Variants in LRBA observed in about 807,000 individuals in gnomAD.
The protein encoded by LRBA is lipopolysaccharide-responsive and beige-like anchor protein.
Under a neutral mutation model 330.0 loss-of-function variants are expected in LRBA, and 176 were observed. That is an observed-to-expected ratio of 0.53 (90% CI 0.47 to 0.60). The LOEUF (loss-of-function observed/expected upper bound fraction) is 0.60, where lower values mean the gene tolerates loss of function less well. LRBA is among the 20% of genes least tolerant of loss of function. The pLI, the probability that LRBA is intolerant of heterozygous loss-of-function variation, is 0.00. For synonymous variants in LRBA, 1,230 were observed against 1,193.0 expected (o/e 1.03, Z -0.64); for missense variants, 3,259 against 3,444.8 (o/e 0.95, Z 1.35).
Position 150,805,513 on chromosome 4 carries a change from G to A in LRBA, c.5518+758C>T, listed in dbSNP as rs1338737524. The stretch of plus-strand genomic sequence containing the variant: ...GAAAGGAGAAGGAGGAGAAAGAGAA[G>A]GAAAGGAAAAGGAAAGGAAAGGAAG... On this transcript the variant is annotated intron_variant, in intron 33 of 56. Transcript: ENST00000651943. Among the ~76,000 whole-genome samples, 4 of 112,508 alleles carry A rather than the reference G, an allele frequency of 3.6e-5. 2 individuals carry two copies. The highest frequency in any genetic ancestry group is 7.1e-5 in the Non-Finnish European group (4 of 55,948). The allele number at this position is 112,508 out of a possible 152,430, so 73.8% of individuals were successfully genotyped here.
At chr4:150,402,813 A>C (rs1349456655) in intron 47 of LRBA, among the ~76,000 whole-genome samples, 3 of 152,026 alleles carry the variant, frequency 2.0e-5, no homozygotes, top group Admixed American at 6.6e-5. Flanking sequence ...ATAAATTCTA[A>C]AATATAGCAT....
intron 48 of LRBA, among the ~76,000 whole-genome samples, chr4:150,336,941 C>T (rs1478554859): frequency 6.6e-6 from 1 of 152,180 alleles, no homozygotes; most frequent in East Asian, 1.9e-4. Context: ...CATTGATGTG[C>T]TCATTCAAAA....
intron 37 of LRBA, among the ~76,000 whole-genome samples, chr4:150,619,444 G>C (rs1240092045): frequency 6.6e-6 from 1 of 152,128 alleles, no homozygotes; most frequent in Non-Finnish European, 1.5e-5. Context: ...CATTTAGTTA[G>C]TCTTCAGAAT....
intron 53 of LRBA, among the ~76,000 whole-genome samples, chr4:150,298,348 A>G (rs888750321): frequency 2.6e-5 from 4 of 152,148 alleles, no homozygotes; most frequent in Non-Finnish European, 4.4e-5. Context: ...TTATAGTCAC[A>G]TGGCAAGATC....
chr4:150,657,430 A>G (rs1780311117), intron 37 of LRBA, among the ~76,000 whole-genome samples: 1 of 152,218 alleles, frequency 6.6e-6, no homozygotes, highest in South Asian at 2.1e-4. Flanking sequence ...GTTCACAGGT[A>G]AAGAACAATA....
At chr4:150,728,678 AAC>A (rs1249535846) in intron 36 of LRBA, among the ~76,000 whole-genome samples, 3 of 152,118 alleles carry the variant, frequency 2.0e-5, no homozygotes, top group Admixed American at 6.5e-5. Context: ...AAAAAAAAAA[AAC>A]GTGATACAAA....
intron 37 of LRBA, among the ~76,000 whole-genome samples, chr4:150,655,788 A>G (rs575925966): frequency 6.6e-6 from 1 of 152,348 alleles, no homozygotes; most frequent in African/African-American, 2.4e-5. Context: ...TTGTCTAATG[A>G]TAAAGTTTTC....
intron 37 of LRBA, among the ~76,000 whole-genome samples, chr4:150,630,700 A>G (rs1011007397): frequency 3.9e-5 from 6 of 152,188 alleles, no homozygotes; most frequent in African/African-American, 1.4e-4. Context: ...AAAGCCAATT[A>G]TTCCAAATTT....
chr4:150,547,460 C>T (rs966340700), intron 40 of LRBA, among the ~76,000 whole-genome samples: 3 of 152,090 alleles, frequency 2.0e-5, no homozygotes, highest in Admixed American at 6.6e-5. Context: ...GTATTGTTCC[C>T]GTTATTCTTA....
intron 37 of LRBA, among the ~76,000 whole-genome samples, chr4:150,649,421 T>C (rs1414170777): frequency 1.3e-5 from 2 of 152,328 alleles, no homozygotes; most frequent in East Asian, 3.9e-4. Context: ...TGCTCTTCTA[T>C]CTGCTTTCTA....
At position 150,282,618 on chromosome 4, in the gene LRBA, A is replaced by G; in HGVS notation, c.8148T>C (p.Asn2716=). 1 of 1,612,368 alleles carries G rather than the reference A, an allele frequency of 6.2e-7. No homozygotes were observed. The highest frequency in any genetic ancestry group is 8.5e-7 in the Non-Finnish European group (1 of 1,179,014). ...CCTCCAAGGTCCTCAACAAGTCTCC[A>G]TTCATGGAATGTATGAGACATGGTC... is the stretch of plus-strand genomic sequence containing the variant. ...QEGPCLIHSM[N]GDLLRTLEGP... Residue 2716 remains asparagine, a synonymous_variant, in exon 55 of 57, where the codon AAT becomes AAC. Coordinates refer to ENST00000651943, the MANE Select transcript of LRBA (RefSeq NM_001364905.1).
At chr4:150,379,950 G>A (rs570939592) in intron 47 of LRBA, among the ~76,000 whole-genome samples, 108 of 149,380 alleles carry the variant, frequency 7.2e-4, no homozygotes, top group African/African-American at 2.6e-3. Context: ...ATCACCTGAG[G>A]TCAGGAGTTC....
intron 34 of LRBA, among the ~76,000 whole-genome samples, chr4:150,763,880 C>T (rs1735416507): frequency 6.6e-6 from 1 of 151,906 alleles, no homozygotes; most frequent in African/African-American, 2.4e-5. Context: ...AGAACATAAC[C>T]ATGACCTCTG....
At position 150,285,982 on chromosome 4, in the gene LRBA, T is replaced by G. The variant is rs1422299181; in HGVS notation, c.8070A>C (p.Thr2690=). 7 of 1,598,522 alleles carry G rather than the reference T, an allele frequency of 4.4e-6. No individual in the cohort carries two copies. The highest frequency in any genetic ancestry group is 2.7e-5 in the African/African-American group (2 of 74,640). The part of the protein sequence containing the change: ...AILTGHDYEV[T]CAAVCAELGL... ...CTAGCTCCGCACACACCGCAGCACA[T>G]GTGACCTCATAGTCATGGCCGGTCA... Residue 2690 remains threonine (T), a synonymous_variant, in exon 54 of 57, where the codon ACA becomes ACC. Coordinates refer to ENST00000651943, the MANE Select transcript of LRBA (RefSeq NM_001364905.1).
intron 47 of LRBA, among the ~76,000 whole-genome samples, chr4:150,354,357 G>A (rs930881909): frequency 1.3e-5 from 2 of 151,882 alleles, no homozygotes; most frequent in Non-Finnish European, 2.9e-5. Context: ...CTTCAAAACC[G>A]ACAGTCCTCA....
intron 2 of LRBA, among the ~76,000 whole-genome samples, chr4:150,992,189 G>A (rs890509819): frequency 5.9e-5 from 9 of 151,886 alleles, no homozygotes; most frequent in African/African-American, 1.5e-4. Flanking sequence ...AGTAGCGTGC[G>A]CCTGTAGGCC....
chr4:150,917,725 G>A (rs1422944292), intron 5 of LRBA, among the ~76,000 whole-genome samples: 1 of 151,932 alleles, frequency 6.6e-6, no homozygotes, highest in South Asian at 2.1e-4. Context: ...TCAGGAGTTC[G>A]AGACCAGCCT....
intron 37 of LRBA, among the ~76,000 whole-genome samples, chr4:150,659,195 G>A (rs1160290056): frequency 2.7e-5 from 3 of 110,010 alleles, no homozygotes; most frequent in African/African-American, 6.3e-5. Flanking sequence ...GGGATGTGAG[G>A]AGCCCCTCTG....
intron 17 of LRBA, among the ~76,000 whole-genome samples, chr4:150,877,127 G>A (rs886665597): frequency 4.0e-5 from 6 of 151,814 alleles, no homozygotes; most frequent in African/African-American, 7.3e-5. Flanking sequence ...CCATGGTGGC[G>A]GGCGCCTGTA....
Sources: allele counts gnomAD v4.1 joint callset (sites outside exome capture counted in the v4.1 genomes callset), GRCh38; gene constraint gnomAD v4.1.1; transcripts MANE v1.5; gene names NCBI Gene and HGNC (gene_info 2026-07-23, HGNC 2026-07-21).